The following OVCH1 variants were observed in gnomAD, a reference collection of about 807,000 sequenced individuals.
OVCH1 encodes ovochymase 1.
In OVCH1, 139 loss-of-function variants were observed where a neutral mutation model predicts 138.4. The observed-to-expected ratio is 1.00, with a 90% CI of 0.87 to 1.16. OVCH1 has a LOEUF of 1.16. Ranked by LOEUF, OVCH1 falls within the 50% of genes most tolerant of loss-of-function variation. The pLI is 0.00. For missense variants in OVCH1, 1,367 were observed against 1,357.9 expected, an observed-to-expected ratio of 1.01 and a Z score of -0.11; for synonymous variants, 453 against 467.8, an observed-to-expected ratio of 0.97 and a Z score of 0.41.
intron 8 of OVCH1, among the ~76,000 whole-genome samples, chr12:29,485,963 TAAAATAAAA>T (rs1163100159): frequency 1.1e-5 from 1 of 94,856 alleles, no homozygotes; most frequent in Admixed American, 1.2e-4. Flanking sequence ...TAAAATAAAA[TAAAATAAAA>T]TAAATAAATA....
chr12:29,439,713 C>T (rs910468061), intron 25 of OVCH1, among the ~76,000 whole-genome samples, 140 bp downstream of exon 26: 14 of 152,116 alleles, frequency 9.2e-5, no homozygotes, highest in African/African-American at 2.9e-4. Flanking sequence ...CTCTCACTCC[C>T]CACTTCAGAT....
downstream of OVCH1, among the ~76,000 whole-genome samples, chr12:29,408,370 A>G (rs1468257627): frequency 3.6e-5 from 4 of 112,012 alleles, 1 homozygote; most frequent in Non-Finnish European, 8.8e-5. Flanking sequence ...GAGAGAGGAC[A>G]TCCCTGTCTT....
At chr12:29,472,522 C>G (rs1472905467) in intron 15 of OVCH1, among the ~76,000 whole-genome samples, 1 of 152,152 alleles carries the variant, frequency 6.6e-6, no homozygotes, top group Non-Finnish European at 1.5e-5. Context: ...CTCTAGGAAG[C>G]CTTCTCCAAC....
At chr12:29,410,447 C>T (rs1418995083), downstream of OVCH1, among the ~76,000 whole-genome samples, 2 of 151,140 alleles carry the variant, frequency 1.3e-5, no homozygotes, top group Non-Finnish European at 3.0e-5. Context: ...GCGGCTGATA[C>T]CGGTTGTTCC....
At chr12:29,443,485 T>C (rs1326222776) in exon 25 of OVCH1, 2 of 1,603,284 alleles carry the variant, frequency 1.2e-6, no homozygotes, top group Non-Finnish European at 1.7e-6. Context: ...AAGGGGCTAC[T>C]AATCTCCATT....
intron 26 of OVCH1, among the ~76,000 whole-genome samples, chr12:29,437,443 A>C (rs927080369): frequency 2.0e-5 from 3 of 152,222 alleles, no homozygotes; most frequent in South Asian, 2.1e-4. Flanking sequence ...CTAGAGGTAG[A>C]TCAAGATGGT....
intron 4 of OVCH1, among the ~76,000 whole-genome samples, chr12:29,494,119 A>G (rs1369154180): frequency 3.3e-5 from 5 of 152,160 alleles, no homozygotes; most frequent in Non-Finnish European, 5.9e-5. Flanking sequence ...TGAGACAAGT[A>G]AGTGTCCTTA....
At chr12:29,496,657 G>A (rs745602917) in exon 2 of OVCH1, 15 of 1,612,124 alleles carry the variant, frequency 9.3e-6, no homozygotes, top group Middle Eastern at 1.6e-4. Context: ...TTGACCATGC[G>A]AATTCCACAC....
chr12:29,409,299 C>G (rs1046965451), downstream of OVCH1, among the ~76,000 whole-genome samples: 6 of 152,060 alleles, frequency 3.9e-5, no homozygotes, highest in African/African-American at 1.2e-4. Context: ...TTTTGTGTTT[C>G]TATTTCCTTC....
At chr12:29,407,738 T>C (rs1031461902), downstream of OVCH1, among the ~76,000 whole-genome samples, 1 of 151,924 alleles carries the variant, frequency 6.6e-6, no homozygotes, top group Non-Finnish European at 1.5e-5. Context: ...AGTCAGGTAG[T>C]GTGATGCCTC....
the OVCH1 span, among the ~76,000 whole-genome samples, chr12:29,403,007 C>G: frequency 1.3e-5 from 2 of 152,162 alleles, no homozygotes; most frequent in Non-Finnish European, 2.9e-5. Flanking sequence ...GCCTCAGTTA[C>G]CTCCAGCCTT....
chr12:29,450,197 C>G (rs996213303), intron 22 of OVCH1, among the ~76,000 whole-genome samples: 1 of 152,120 alleles, frequency 6.6e-6, no homozygotes, highest in African/African-American at 2.4e-5. Flanking sequence ...AGCTTCCGTA[C>G]AGCAAAAGAA....
At chr12:29,421,611 C>G (rs902280738) in intron 3 of OVCH1, among the ~76,000 whole-genome samples, 1 of 152,026 alleles carries the variant, frequency 6.6e-6, no homozygotes, top group Non-Finnish European at 1.5e-5. Context: ...TAACAGATAT[C>G]TAGACTTATC....
At chr12:29,449,416 G>A (rs12319686) in intron 22 of OVCH1, among the ~76,000 whole-genome samples, 93 of 151,972 alleles carry the variant, frequency 6.1e-4, no homozygotes, top group African/African-American at 2.2e-3. Flanking sequence ...ATGGTAGCTT[G>A]ATGGGGATAG....
intron 22 of OVCH1, among the ~76,000 whole-genome samples, chr12:29,449,409 G>A (rs1941715167): frequency 6.6e-6 from 1 of 151,880 alleles, no homozygotes; most frequent in Admixed American, 6.6e-5. Flanking sequence ...AAAGCCGATG[G>A]TAGCTTGATG....
chr12:29,491,954 A>C (rs184061477), intron 4 of OVCH1, among the ~76,000 whole-genome samples: 1 of 152,212 alleles, frequency 6.6e-6, no homozygotes, highest in Admixed American at 6.5e-5. Flanking sequence ...AAAGAAAAAT[A>C]TCTCTGTCTT....
chr12:29,465,084 A>G (rs1016135387), intron 17 of OVCH1, 63 bp downstream of exon 17: 3 of 1,375,450 alleles, frequency 2.2e-6, no homozygotes, highest in Admixed American at 2.1e-5. Context: ...AGCTAAAGGT[A>G]TTCCTTGGCA....
intron 27 of OVCH1, among the ~76,000 whole-genome samples, chr12:29,429,726 A>T (rs1247849500): frequency 1.3e-5 from 2 of 152,206 alleles, no homozygotes; most frequent in African/African-American, 4.8e-5. Flanking sequence ...AAGAGATGTG[A>T]TCTCAACAGA....
chr12:29,413,204 A>ACTAT (rs1052897406), intron 3 of OVCH1, among the ~76,000 whole-genome samples: 3 of 152,096 alleles, frequency 2.0e-5, no homozygotes, highest in Non-Finnish European at 4.4e-5. Context: ...TCCAGAAAAT[A>ACTAT]CTATCTATTA....
Sources: gnomAD v4.1 joint callset for allele counts (sites outside exome capture counted in the v4.1 genomes callset) on GRCh38, gnomAD v4.1.1 for gene constraint, MANE v1.5 for transcripts, NCBI Gene and HGNC (gene_info 2026-07-23, HGNC 2026-07-21) for gene names.